The following UBXN2A variants were observed in gnomAD, a reference collection of about 807,000 sequenced individuals.
The protein encoded by UBXN2A is UBX domain-containing protein 2A.
Under a neutral mutation model 28.4 loss-of-function variants are expected in UBXN2A, and 28 were observed. The observed-to-expected ratio is 0.99, with a 90% CI of 0.73 to 1.35. UBXN2A has a LOEUF of 1.35. UBXN2A is among the 40% of genes most tolerant of loss of function. UBXN2A has a pLI of 0.00. For missense variants in UBXN2A, 253 were observed against 297.9 expected, an observed-to-expected ratio of 0.85 and a Z score of 1.11; for synonymous variants, 97 against 103.6, an observed-to-expected ratio of 0.94 and a Z score of 0.39.
rs555515028 is a variant in UBXN2A at position 23,969,657 on chromosome 2, A to T, written c.42-1619A>T. Among the ~76,000 whole-genome samples, 97 of 152,214 alleles carry T rather than the reference A, an allele frequency of 6.4e-4. 1 individual carries two copies. Among genetic ancestry groups the T allele is most frequent in the African/African-American group, 2.3e-3 (96 of 41,550 alleles). On this transcript the variant is annotated intron_variant, in intron 2 of 6. Coordinates refer to ENST00000309033, the MANE Select transcript of UBXN2A (RefSeq NM_181713.4). Reference sequence around the variant, plus strand: ...ATTACAGGCATGAGCCACTGTTCCCAGCCTCTCCAAAACATTTTTAAAATT... The same window carrying T: ...ATTACAGGCATGAGCCACTGTTCCCTGCCTCTCCAAAACATTTTTAAAATT...
intron 1 of UBXN2A, chr2:23,927,637 G>GC (rs754679306): frequency 1.6e-5 from 2 of 126,174 alleles, no homozygotes; most frequent in South Asian, 2.9e-4. Context: ...AAGAGAAGGG[G>GC]GGGGGGAAAC....
At position 23,982,972 on chromosome 2, in the gene UBXN2A, A is replaced by G; in HGVS notation, c.364A>G (p.Ile122Val). 6.2e-7 allele frequency: 1 copy of G among 1,612,184 alleles called. No homozygotes were observed. The highest frequency in any genetic ancestry group is 8.5e-7 in the Non-Finnish European group (1 of 1,178,954). The change falls in exon 5 of 7, where the codon ATA (isoleucine) becomes GTA (valine). Residue 122 changes from isoleucine (I) to valine (V), a missense_variant. Ile to Val is a conservative substitution (Grantham distance 29). Transcript: ENST00000309033. Reference sequence around the variant, plus strand: ...TAAAGTTGAAGACAAGAAAAATGAAATATGTTTGTCTACGAAGCCTGTGTT... The same window carrying G: ...TAAAGTTGAAGACAAGAAAAATGAAGTATGTTTGTCTACGAAGCCTGTGTT... ...DVKVEDKKNE[I>V]CLSTKPVFQP...
intron 1 of UBXN2A, among the ~76,000 whole-genome samples, chr2:23,946,298 C>T (rs958043884): frequency 4.0e-5 from 6 of 151,542 alleles, no homozygotes; most frequent in Admixed American, 6.6e-5. Context: ...GGACTACAGG[C>T]GTGTGCCATC....
At chr2:23,932,932 G>A (rs762669037) in intron 1 of UBXN2A, among the ~76,000 whole-genome samples, 2 of 151,914 alleles carry the variant, frequency 1.3e-5, no homozygotes, top group Admixed American at 6.6e-5. Flanking sequence ...GTGAAACCCC[G>A]TCTCTACTAA....
At chr2:23,968,543 G>A (rs1012365455) in intron 2 of UBXN2A, among the ~76,000 whole-genome samples, 1 of 151,248 alleles carries the variant, frequency 6.6e-6, no homozygotes, top group Admixed American at 6.6e-5. Context: ...TGTGGTGGCG[G>A]GTGCCTGTAG....
At chr2:23,999,345 G>A (rs1015346983) in intron 6 of UBXN2A, among the ~76,000 whole-genome samples, 4 of 152,044 alleles carry the variant, frequency 2.6e-5, no homozygotes, top group African/African-American at 7.2e-5. Context: ...TAGTAGTATT[G>A]TCATCAAATT....
chr2:23,987,500 C>T (rs1470676220), intron 6 of UBXN2A, among the ~76,000 whole-genome samples: 1 of 151,954 alleles, frequency 6.6e-6, no homozygotes, highest in Non-Finnish European at 1.5e-5. Flanking sequence ...GAAAAAGGAC[C>T]TGGCACGGTG....
At chr2:23,987,221 T>C (rs1189312434) in intron 6 of UBXN2A, among the ~76,000 whole-genome samples, 1 of 151,898 alleles carries the variant, frequency 6.6e-6, no homozygotes, top group Admixed American at 6.6e-5. Flanking sequence ...ATAACAAATA[T>C]AGGGAGAGAG....
chr2:23,943,996 G>A (rs1308578606), intron 1 of UBXN2A: 20 of 493,248 alleles, frequency 4.1e-5, no homozygotes, highest in East Asian at 1.7e-4. Context: ...GGTTCAAACC[G>A]TCCCGTATCT....
intron 2 of UBXN2A, among the ~76,000 whole-genome samples, chr2:23,970,079 C>T (rs1186735475): frequency 6.6e-6 from 1 of 152,034 alleles, no homozygotes; most frequent in African/African-American, 2.4e-5. Flanking sequence ...ATCACTGGAG[C>T]CCAGGAGTTT....
chr2:23,963,328 A>G (rs1037097630), intron 2 of UBXN2A, among the ~76,000 whole-genome samples: 1 of 152,074 alleles, frequency 6.6e-6, no homozygotes, highest in Non-Finnish European at 1.5e-5. Flanking sequence ...CAGCCTGACC[A>G]ACATGGTGAA....
chr2:23,996,084 T>TTTTTG, intron 6 of UBXN2A, among the ~76,000 whole-genome samples: 1 of 150,504 alleles, frequency 6.6e-6, no homozygotes, highest in African/African-American at 2.4e-5. Context: ...TTTTTTTTTT[T>TTTTTG]GAGTCAGAGT....
chr2:23,970,252 C>G (rs1707357144), intron 2 of UBXN2A, among the ~76,000 whole-genome samples: 1 of 152,172 alleles, frequency 6.6e-6, no homozygotes, highest in African/African-American at 2.4e-5. Context: ...CCACTCCACT[C>G]CAGCCTGCAC....
chr2:23,942,680 GA>G (rs1705826915), intron 1 of UBXN2A, among the ~76,000 whole-genome samples: 1 of 151,780 alleles, frequency 6.6e-6, no homozygotes, highest in African/African-American at 2.4e-5. Flanking sequence ...CGGCCTCCCA[GA>G]GTGCTGGGAT....
chr2:23,978,746 G>A lies in UBXN2A; in HGVS notation c.287+1671G>A, dbSNP rs188025146. Among the ~76,000 whole-genome samples, 394 of 151,950 alleles carry A rather than the reference G, an allele frequency of 2.6e-3. 5 individuals carry two copies. The highest frequency in any genetic ancestry group is 0.018 in the Admixed American group (276 of 15,248). ...TGGGAGGCGGAGGCGGGTGGATCAC[G>A]AGGTCAGGAGTTCAAGACCAGCCTG... On this transcript the variant is annotated intron_variant, in intron 4 of 6. Transcript: ENST00000309033.
chr2:23,985,602 G>GT (rs34825489), intron 6 of UBXN2A, among the ~76,000 whole-genome samples: 79,100 of 144,262 alleles, frequency 0.55, 22,041 homozygotes, highest in East Asian at 0.77. Flanking sequence ...TGTCTAGACA[G>GT]TTTTTTTTTT....
At chr2:23,965,684 G>A (rs1042814083) in intron 2 of UBXN2A, among the ~76,000 whole-genome samples, 2 of 152,070 alleles carry the variant, frequency 1.3e-5, no homozygotes, top group African/African-American at 4.8e-5. Context: ...TTCCTTTCTT[G>A]TAATGTCTTT....
intron 2 of UBXN2A, chr2:23,968,806 A>G (rs933083022): frequency 6.6e-6 from 1 of 152,336 alleles, no homozygotes; most frequent in Non-Finnish European, 1.5e-5. Context: ...ACTTTTATAA[A>G]TTTTCCTGCA....
chr2:23,989,561 A>G (rs946606863), intron 6 of UBXN2A, among the ~76,000 whole-genome samples: 3 of 151,458 alleles, frequency 2.0e-5, no homozygotes, highest in African/African-American at 7.3e-5. Context: ...CCTTATTTCT[A>G]TATTTTTATA....
Sources: gnomAD v4.1 joint callset for allele counts (sites outside exome capture counted in the v4.1 genomes callset) on GRCh38, gnomAD v4.1.1 for gene constraint, MANE v1.5 for transcripts, NCBI Gene and HGNC (gene_info 2026-07-23, HGNC 2026-07-21) for gene names.